The following CLEC5A variants were observed in gnomAD, a reference collection of about 807,000 sequenced individuals.
CLEC5A encodes the protein C-type lectin domain containing 5A, also known as C-type lectin domain family 5 member A.
CLEC5A carries 15 observed loss-of-function variants against 24.4 expected under a neutral mutation model. The observed-to-expected ratio is 0.62, with a 90% CI of 0.41 to 0.95. The LOEUF (loss-of-function observed/expected upper bound fraction) is 0.95. Among genes scored for constraint, CLEC5A ranks in the 40% least tolerant of loss-of-function variants. The pLI is 0.00. For synonymous variants in CLEC5A, 71 were observed against 72.6 expected, an observed-to-expected ratio of 0.98 and a Z score of 0.11; for missense variants, 211 against 224.0, an observed-to-expected ratio of 0.94 and a Z score of 0.37.
intron 5 of CLEC5A, among the ~76,000 whole-genome samples, chr7:141,933,803 T>C (rs1400226912): frequency 1.6e-4 from 25 of 151,696 alleles, no homozygotes; most frequent in Admixed American, 1.4e-3. Flanking sequence ...TGCAGACTGA[T>C]AGAGGGCAGC....
intron 4 of CLEC5A, among the ~76,000 whole-genome samples, chr7:141,940,575 T>A: frequency 6.8e-6 from 1 of 147,070 alleles, no homozygotes; most frequent in Non-Finnish European, 1.5e-5. Flanking sequence ...AAAGAAATAA[T>A]AAAGATCAAA....
At chr7:141,933,935 G>C (rs1164248863) in intron 5 of CLEC5A, among the ~76,000 whole-genome samples, 6 of 152,104 alleles carry the variant, frequency 3.9e-5, no homozygotes, top group Non-Finnish European at 7.4e-5. Flanking sequence ...AAGCAGCTGA[G>C]ACAGACAGAC....
At chr7:141,936,217 A>G in intron 4 of CLEC5A, 1 of 458,458 alleles carries the variant, frequency 2.2e-6, no homozygotes, top group Non-Finnish European at 3.9e-6. Flanking sequence ...AACTATCTAC[A>G]CACAAAAAAG....
At chr7:141,932,612 A>G (rs963810060) in intron 5 of CLEC5A, among the ~76,000 whole-genome samples, 1 of 152,120 alleles carries the variant, frequency 6.6e-6, no homozygotes, top group African/African-American at 2.4e-5. Flanking sequence ...TTAATTACTG[A>G]ATGTTCTCAT....
chr7:141,931,852 A>T, intron 5 of CLEC5A, 26 bp from the exon 6 acceptor site: 1 of 1,127,584 alleles, frequency 8.9e-7, no homozygotes, highest in Non-Finnish European at 1.3e-6. Context: ...AAATTTTACC[A>T]GTGAGTCTTT....
intron 4 of CLEC5A, among the ~76,000 whole-genome samples, chr7:141,942,370 T>C (rs1554441709): frequency 8.5e-5 from 13 of 152,088 alleles, no homozygotes. Context: ...CACTGGATAT[T>C]CATATGCATA....
chr7:141,931,871 C>T (rs1325810498), intron 5 of CLEC5A, 45 bp from the exon 6 acceptor site: 1 of 854,494 alleles, frequency 1.2e-6, no homozygotes, highest in African/African-American at 1.7e-5. Context: ...TTTAATGATG[C>T]CTCTCTTGAG....
Position 141,929,963 on chromosome 7 carries a change from C to T in CLEC5A, c.*141G>A, listed in dbSNP as rs1022860333. ...ATGGCTAGCATCCAGTCCCCCAGTG[C>T]AGAAGAAAGAAGCTCAGTTTCCCAA... On this transcript the variant is annotated 3_prime_UTR_variant, in exon 7 of 7. Coordinates refer to ENST00000546910, the MANE Select transcript of CLEC5A (RefSeq NM_013252.3). The T allele has an allele frequency of 4.2e-5, 26 of 622,372 alleles. No individual in the cohort carries two copies. The African/African-American group carries it at 4.3e-4, about 10-fold the overall frequency. The allele number at this position is 622,372 out of a possible 1,614,324, so 38.6% of individuals were successfully genotyped here. A position where few individuals can be genotyped will look rare whatever the true frequency, so the allele number is the denominator to read the frequency against.
Position 141,943,900 on chromosome 7 carries a change from T to C in CLEC5A, c.204A>G (p.Gly68=), listed in dbSNP as rs782632290. The change falls in exon 4 of 7, where the codon GGA becomes GGG. Residue 68 remains glycine, a synonymous_variant. Transcript: ENST00000546910. ...GGTTGTAATCATGCACTTTACCTGT[T>C]CCATAGCTCCTTGTGGTAATGAAGC... ...PNGFITTRSY[G]TVCPKDWEFY... is the part of the protein sequence containing the mutation. 2 of 1,604,736 alleles carry C rather than the reference T, an allele frequency of 1.2e-6. No homozygotes were observed. Among genetic ancestry groups the C allele is most frequent in the Non-Finnish European group, 8.5e-7 (1 of 1,171,860 alleles).
intron 6 of CLEC5A, among the ~76,000 whole-genome samples, chr7:141,930,705 G>A (rs1802433743): frequency 6.6e-6 from 1 of 152,120 alleles, no homozygotes; most frequent in African/African-American, 2.4e-5. Context: ...CTGTCATTCA[G>A]TCTGTTTCAG....
rs1802399674 is a variant in CLEC5A, at chr7:141,929,894, T to C, written c.*210A>G. On this transcript the variant is annotated 3_prime_UTR_variant, in exon 7 of 7. Transcript: ENST00000546910. ...ACTACAGAAGCGGACCTCATCTCTA[T>C]ACTAACTGAGTTGTTTCCGTAAAAC... 7.3e-6 allele frequency: 4 copies of C among 545,576 alleles called. No individual in the cohort carries two copies. The Middle Eastern group carries it at 1.2e-3, about 163-fold the overall frequency. The allele number at this position is 545,576 out of a possible 1,614,324, so 33.8% of individuals were successfully genotyped here.
rs1013108252 is a variant in CLEC5A at position 141,928,512 on chromosome 7, G to A, written c.*1592C>T. 1 of 152,076 alleles carries A rather than the reference G, an allele frequency of 6.6e-6. No homozygotes were observed. 9.4% of individuals were successfully genotyped at this position (152,076 alleles called of 1,614,324 possible). ...CTTATCCTTTCCCAACACAGTCAGAGAACTTGTATCTCCACCGGCTACTAA... is the reference window on the plus strand; with the variant it reads ...CTTATCCTTTCCCAACACAGTCAGAAAACTTGTATCTCCACCGGCTACTAA... On this transcript the variant is annotated 3_prime_UTR_variant, in exon 7 of 7. Transcript: ENST00000546910.
At chr7:141,934,191 G>T (rs782198435) in intron 5 of CLEC5A, among the ~76,000 whole-genome samples, 25 of 152,164 alleles carry the variant, frequency 1.6e-4, no homozygotes, top group Non-Finnish European at 1.9e-4. Flanking sequence ...GAGCCTTAGA[G>T]GTATTATAAT....
intron 4 of CLEC5A, among the ~76,000 whole-genome samples, chr7:141,941,123 C>A (rs1802785236): frequency 6.6e-6 from 1 of 151,906 alleles, no homozygotes; most frequent in Non-Finnish European, 1.5e-5. Flanking sequence ...TAAGACACAT[C>A]AAAAAATGAA....
Position 141,930,088 on chromosome 7 carries a change from T to A in CLEC5A, c.*16A>T. On this transcript the variant is annotated 3_prime_UTR_variant, in exon 7 of 7. Transcript: ENST00000546910. ...AAAAGAGTTGCAAGTATAGTTCTTG[T>A]CACAGGGAACTGTGATCATTTGGCA... 1 of 1,592,298 alleles carries A rather than the reference T, an allele frequency of 6.3e-7. No homozygotes were observed.
In CLEC5A at chr7:141,946,238, C is replaced by A. The variant is rs368529995; in HGVS notation, c.55G>T (p.Gly19Ter). 1.9e-6 allele frequency: 3 copies of A among 1,569,732 alleles called. No individual in the cohort carries two copies. The highest frequency in any genetic ancestry group is 2.6e-6 in the Non-Finnish European group (3 of 1,156,148). Residue 19 changes from glycine (G) to a stop codon, truncating the protein, a stop_gained, in exon 2 of 7, where the codon GGA becomes TGA. Transcript: ENST00000546910. LOFTEE classifies it high-confidence loss of function. ...CAATAAAGTAGAAATAAGGTCATTCCAACAACTTTAAGCACTACCACAATA... is the reference window on the plus strand; with the variant it reads ...CAATAAAGTAGAAATAAGGTCATTCAAACAACTTTAAGCACTACCACAATA... ...GLIVVVLKVVGMTLFLLYFPQ... is the reference protein window; with the variant it reads ...GLIVVVLKVV
rs528020002 is a variant in CLEC5A at position 141,929,076 on chromosome 7, T to G, written c.*1028A>C. ...TGACCCTGATGTTCCCTTTTTACTA[T>G]GTGCTTATTCCGTGCCCCCAGCCAA... On this transcript the variant is annotated 3_prime_UTR_variant, in exon 7 of 7. Transcript: ENST00000546910. 2.6e-5 allele frequency: 4 copies of G among 152,330 alleles called. 1 individual carries two copies. The East Asian group carries it at 7.7e-4, about 29-fold the overall frequency. 9.4% of individuals were successfully genotyped at this position (152,330 alleles called of 1,614,324 possible).
intron 4 of CLEC5A, 118 bp downstream of exon 4, chr7:141,943,778 G>A (rs76703419): frequency 2.6e-5 from 19 of 724,362 alleles, no homozygotes; most frequent in East Asian, 2.0e-4. Context: ...CTGGAAGGTC[G>A]TTATGGTCCC....
At chr7:141,941,386 G>T (rs782059895) in intron 4 of CLEC5A, among the ~76,000 whole-genome samples, 1 of 151,998 alleles carries the variant, frequency 6.6e-6, no homozygotes, top group Admixed American at 6.6e-5. Flanking sequence ...ATCCCTTCAT[G>T]ATTAAAACTC....
Sources: gnomAD v4.1 joint callset for allele counts (sites outside exome capture counted in the v4.1 genomes callset) on GRCh38, gnomAD v4.1.1 for gene constraint, MANE v1.5 for transcripts, NCBI Gene and HGNC (gene_info 2026-07-23, HGNC 2026-07-21) for gene names.